The following ARL6IP6 variants were observed in gnomAD, a reference collection of about 807,000 sequenced individuals.
The protein encoded by ARL6IP6 is ADP-ribosylation factor-like protein 6-interacting protein 6.
In ARL6IP6, 22 loss-of-function variants were observed where a neutral mutation model predicts 21.5. The ratio of observed to expected loss-of-function variants is 1.02; its 90% CI spans 0.73 to 1.46. The LOEUF (loss-of-function observed/expected upper bound fraction) is 1.46. ARL6IP6 is among the 40% of genes most tolerant of loss of function. ARL6IP6 has a pLI of 0.00. For synonymous variants in ARL6IP6, 164 were observed against 125.3 expected, an observed-to-expected ratio of 1.31 and a Z score of -2.06; for missense variants, 388 against 299.8, an observed-to-expected ratio of 1.29 and a Z score of -2.17.
In ARL6IP6 at chr2:152,720,578, G is replaced by T; in HGVS notation, c.446G>T (p.Gly149Val). Reference sequence around the variant, plus strand: ...AAAAATGAAGATGATGTAGACACTGGACTATTAGGTATGGACTTAATTGCC... The same window carrying T: ...AAAAATGAAGATGATGTAGACACTGTACTATTAGGTATGGACTTAATTGCC... Reference protein sequence around the residue: ...NLKNEDDVDTGLLGFWTLLII... With the variant: ...NLKNEDDVDTVLLGFWTLLII... The change falls in exon 2 of 4, where the codon GGA (glycine) becomes GTA (valine). Residue 149 changes from glycine (G) to valine (V), a missense_variant. Physicochemically the swap from Gly to Val is moderately radical, Grantham distance 109. Coordinates refer to ENST00000326446, the MANE Select transcript of ARL6IP6 (RefSeq NM_152522.7). The T allele has an allele frequency of 6.2e-7, 1 of 1,613,928 alleles. No homozygotes were observed. The highest frequency in any genetic ancestry group is 1.3e-5 in the African/African-American group (1 of 75,024).
chr2:152,758,266 GA>G (rs972231971), intron 3 of ARL6IP6, among the ~76,000 whole-genome samples: 3 of 151,096 alleles, frequency 2.0e-5, no homozygotes, highest in African/African-American at 7.3e-5. Context: ...ATTGACAAGG[GA>G]AAAAAGTGTA....
At chr2:152,758,059 CTG>C (rs1178800727) in intron 3 of ARL6IP6, among the ~76,000 whole-genome samples, 1 of 152,148 alleles carries the variant, frequency 6.6e-6, no homozygotes, top group Non-Finnish European at 1.5e-5. Flanking sequence ...CCCCCTTTAT[CTG>C]TGAAGGACTG....
intron 3 of ARL6IP6, among the ~76,000 whole-genome samples, chr2:152,736,379 C>A (rs1216363220): frequency 6.6e-6 from 1 of 152,086 alleles, no homozygotes; most frequent in South Asian, 2.1e-4. Context: ...GTTTAATAGA[C>A]CTTGCTACCC....
chr2:152,753,761 G>A (rs1423316362), intron 3 of ARL6IP6, among the ~76,000 whole-genome samples: 4 of 149,136 alleles, frequency 2.7e-5, no homozygotes, highest in East Asian at 2.0e-4. Flanking sequence ...GTGCAGTGGC[G>A]CGATCTCAGC....
chr2:152,719,322 CAA>C (rs1427537481), intron 1 of ARL6IP6, among the ~76,000 whole-genome samples: 1 of 152,152 alleles, frequency 6.6e-6, no homozygotes, highest in Admixed American at 6.5e-5. Context: ...GAAGATTAAA[CAA>C]AATGCGAAAC....
chr2:152,748,130 T>C (rs997888209), intron 3 of ARL6IP6, among the ~76,000 whole-genome samples: 1 of 152,188 alleles, frequency 6.6e-6, no homozygotes, highest in Non-Finnish European at 1.5e-5. Context: ...GGCAAAGTCA[T>C]GTGTGTTATT....
At chr2:152,756,456 T>C (rs1056890267) in intron 3 of ARL6IP6, among the ~76,000 whole-genome samples, 1 of 152,198 alleles carries the variant, frequency 6.6e-6, no homozygotes, top group Non-Finnish European at 1.5e-5. Context: ...CTAGCCATTT[T>C]TTAAAATATT....
intron 3 of ARL6IP6, among the ~76,000 whole-genome samples, chr2:152,748,308 G>A (rs980572909): frequency 1.3e-5 from 2 of 152,268 alleles, no homozygotes; most frequent in South Asian, 2.1e-4. Flanking sequence ...ATATAATAAA[G>A]TTAATGTAGT....
At chr2:152,731,995 A>G (rs973403982) in intron 2 of ARL6IP6, among the ~76,000 whole-genome samples, 4 of 152,060 alleles carry the variant, frequency 2.6e-5, no homozygotes, top group African/African-American at 9.7e-5. Context: ...GCTGCATAGT[A>G]TTCTATTGTA....
chr2:152,721,556 C>T (rs1038279170), intron 2 of ARL6IP6, among the ~76,000 whole-genome samples: 5 of 152,216 alleles, frequency 3.3e-5, no homozygotes, highest in African/African-American at 1.2e-4. Flanking sequence ...GCTTTGATCA[C>T]TCTAAATTGG....
At chr2:152,717,740 C>A, upstream of ARL6IP6, 2 of 1,319,076 alleles carry the variant, frequency 1.5e-6, no homozygotes, top group Non-Finnish European at 1.9e-6. Context: ...CCCAGCTTCC[C>A]GAGCTTAGAC....
chr2:152,750,326 T>C (rs1221717664), intron 3 of ARL6IP6, among the ~76,000 whole-genome samples: 1 of 151,956 alleles, frequency 6.6e-6, no homozygotes, highest in Non-Finnish European at 1.5e-5. Context: ...ATACAAAAAT[T>C]AGCTGGGCAT....
chr2:152,745,213 C>T (rs930702645), intron 3 of ARL6IP6, among the ~76,000 whole-genome samples: 5 of 152,022 alleles, frequency 3.3e-5, no homozygotes, highest in Admixed American at 1.3e-4. Flanking sequence ...TTTTCTCTGA[C>T]GTCTTCACAT....
chr2:152,743,885 T>C (rs1195698898), intron 3 of ARL6IP6, among the ~76,000 whole-genome samples: 1 of 152,150 alleles, frequency 6.6e-6, no homozygotes, highest in Non-Finnish European at 1.5e-5. Context: ...TTTAAATAAT[T>C]TTCTCTCTGT....
At chr2:152,753,419 A>T (rs1220397428) in intron 3 of ARL6IP6, among the ~76,000 whole-genome samples, 1 of 152,156 alleles carries the variant, frequency 6.6e-6, no homozygotes, top group Non-Finnish European at 1.5e-5. Context: ...TAGTCTATTC[A>T]GATGCCTTTT....
At chr2:152,753,452 C>A (rs929128292) in intron 3 of ARL6IP6, among the ~76,000 whole-genome samples, 1 of 151,986 alleles carries the variant, frequency 6.6e-6, no homozygotes, top group African/African-American at 2.4e-5. Context: ...CAGTTTACTT[C>A]TTTTTAAAAT....
chr2:152,730,851 C>T (rs549577149), intron 2 of ARL6IP6, among the ~76,000 whole-genome samples: 2 of 152,192 alleles, frequency 1.3e-5, no homozygotes, highest in Non-Finnish European at 2.9e-5. Context: ...CACAGCTATA[C>T]TCCCTGTGTG....
intron 2 of ARL6IP6, among the ~76,000 whole-genome samples, chr2:152,730,921 T>C (rs935769310): frequency 6.6e-6 from 1 of 152,164 alleles, no homozygotes; most frequent in Non-Finnish European, 1.5e-5. Flanking sequence ...CTACTCCCTT[T>C]CCCCATTTAC....
upstream of ARL6IP6, chr2:152,717,731 C>G: frequency 7.5e-7 from 1 of 1,340,516 alleles, no homozygotes; most frequent in South Asian, 1.6e-5. Context: ...CAACAGTGTC[C>G]CAGCTTCCCG....
Sources: allele counts gnomAD v4.1 joint callset (sites outside exome capture counted in the v4.1 genomes callset), GRCh38; gene constraint gnomAD v4.1.1; transcripts MANE v1.5; gene names NCBI Gene and HGNC (gene_info 2026-07-23, HGNC 2026-07-21).